AHRR: variants seen among roughly 807,000 people sequenced by gnomAD.
AHRR encodes the protein aryl hydrocarbon receptor repressor, also known as ahR repressor.
AHRR carries 28 observed loss-of-function variants against 44.0 expected under a neutral mutation model. That is an observed-to-expected ratio of 0.64 (90% confidence interval 0.47 to 0.87). AHRR has a LOEUF of 0.87. Among genes scored for constraint, AHRR ranks in the 40% least tolerant of loss-of-function variants. The pLI, the probability that AHRR is intolerant of heterozygous loss-of-function variation, is 0.00. For synonymous variants in AHRR, 434 were observed against 407.0 expected, an observed-to-expected ratio of 1.07 and a Z score of -0.80; for missense variants, 990 against 953.9, an observed-to-expected ratio of 1.04 and a Z score of -0.50.
At chr5:330,895 A>C (rs1741887632) in intron 1 of AHRR, among the ~76,000 whole-genome samples, 1 of 117,220 alleles carries the variant, frequency 8.5e-6, no homozygotes, top group African/African-American at 3.7e-5. Context: ...TTTTTTTGAG[A>C]CAGAGTCTCG....
At chr5:340,691 T>TATTTATTTA (rs1223845461) in intron 1 of AHRR, among the ~76,000 whole-genome samples, 1 of 44,178 alleles carries the variant, frequency 2.3e-5, no homozygotes, top group African/African-American at 7.7e-5. Flanking sequence ...TATATATATT[T>TATTTATTTA]TTTTTTTTTT....
chr5:423,270 T>C (rs2672777), intron 6 of AHRR, among the ~76,000 whole-genome samples: 115,949 of 152,210 alleles, frequency 0.76, 45,051 homozygotes, highest in African/African-American at 0.94. Context: ...CATTCAGAGT[T>C]GGTTGCCCCT....
intron 10 of AHRR, 78 bp downstream of exon 10, chr5:433,025 G>C (rs538567881): frequency 6.9e-7 from 1 of 1,443,430 alleles, no homozygotes; most frequent in Non-Finnish European, 9.2e-7. Flanking sequence ...GGGTGGGGGA[G>C]TGATTAAGAA....
At chr5:397,438 T>C (rs868170524) in intron 4 of AHRR, among the ~76,000 whole-genome samples, 468 of 46,722 alleles carry the variant, frequency 0.01, no homozygotes, top group Middle Eastern at 0.022. Context: ...TCCACGTAGC[T>C]CCTGACCATC....
Position 405,441 on chromosome 5 carries a change from A to G in AHRR, c.352-7903A>G, listed in dbSNP as rs1021536500. Among the ~76,000 whole-genome samples, 3 of 152,116 alleles carry G rather than the reference A, an allele frequency of 2.0e-5. No individual in the cohort carries two copies. The highest frequency in any genetic ancestry group is 7.2e-5 in the African/African-American group (3 of 41,402). The stretch of plus-strand genomic sequence containing the variant: ...CTATTTTGTCACCGTGGAGCAGCCT[A>G]TGGTGTTGCCCGCTGTTTTGTTGTG... On this transcript the variant is annotated intron_variant, in intron 4 of 10. Transcript: ENST00000684583. The surrounding 1 kb of genome is among the most constrained non-coding windows in gnomAD (Gnocchi z 4.5).
chr5:413,481 C>A, intron 5 of AHRR, 48 bp downstream of exon 5: 1 of 1,318,110 alleles, frequency 7.6e-7, no homozygotes, highest in Non-Finnish European at 1.1e-6. Flanking sequence ...GCTATGTTGT[C>A]TTCCCTTTGT....
chr5:376,549 T>A, intron 3 of AHRR, 61 bp from the exon 4 acceptor site: 1 of 1,410,168 alleles, frequency 7.1e-7, no homozygotes, highest in Non-Finnish European at 9.6e-7. Context: ...AAGATGTGAA[T>A]GAAGAAGAGT....
chr5:340,689 T>TATATATATATA (rs1491423678), intron 1 of AHRR, among the ~76,000 whole-genome samples: 8 of 17,410 alleles, frequency 4.6e-4, no homozygotes, highest in South Asian at 2.9e-3. Flanking sequence ...TATATATATA[T>TATATATATATA]TTTTTTTTTT....
At chr5:349,816 G>A (rs1298057748) in intron 2 of AHRR, among the ~76,000 whole-genome samples, 3 of 152,106 alleles carry the variant, frequency 2.0e-5, no homozygotes, top group Non-Finnish European at 2.9e-5. Flanking sequence ...GCTGGTGTCC[G>A]TTTGTTTTCT....
At chr5:429,446 G>A (rs901426835) in intron 8 of AHRR, among the ~76,000 whole-genome samples, 1 of 152,210 alleles carries the variant, frequency 6.6e-6, no homozygotes, top group African/African-American at 2.4e-5. Context: ...TGATGGGGCG[G>A]GGCTGAGCGC....
At chr5:335,110 G>C (rs1742073288) in intron 1 of AHRR, among the ~76,000 whole-genome samples, 1 of 152,084 alleles carries the variant, frequency 6.6e-6, no homozygotes, top group African/African-American at 2.4e-5. Context: ...GTCTATCCTT[G>C]TGCCCCAGGG....
Position 406,727 on chromosome 5 carries a change from AAT to A in AHRR, c.352-6615_352-6614del. ...TGCACAAAACAATTCCAGATAAAATAATAGCAATTAACTTCCATCTGTGTTAT... is the reference window on the plus strand; with the variant it reads ...TGCACAAAACAATTCCAGATAAAATAAGCAATTAACTTCCATCTGTGTTAT... On this transcript the variant is annotated intron_variant, in intron 4 of 10. Coordinates refer to ENST00000684583, the MANE Select transcript of AHRR (RefSeq NM_001377236.1). The surrounding 1 kb of genome is among the most constrained non-coding windows in gnomAD (Gnocchi z 4.7). Among the ~76,000 whole-genome samples the A allele has an allele frequency of 6.6e-6, 1 of 152,322 alleles. No homozygotes were observed. The highest frequency in any genetic ancestry group is 6.5e-5 in the Admixed American group (1 of 15,308).
At chr5:348,011 C>G (rs571056176) in intron 2 of AHRR, among the ~76,000 whole-genome samples, 1 of 152,340 alleles carries the variant, frequency 6.6e-6, no homozygotes, top group East Asian at 1.9e-4. Context: ...GTGGAGCATG[C>G]CATCGGAGGT....
chr5:353,748 A>G lies in AHRR; in HGVS notation c.81A>G (p.Ala27=). ...CCCACAGGAGGCCCGCCGTGGGGGC[A>G]GAGAAGTCCAACCCCTCCAAGCGAC... ...PLQKQRPAVG[A]EKSNPSKRHR... is the part of the protein sequence containing the mutation. The change falls in exon 3 of 11, where the codon GCA becomes GCG. Residue 27 remains alanine (A), a synonymous_variant. Coordinates refer to ENST00000684583, the MANE Select transcript of AHRR (RefSeq NM_001377236.1). The G allele has an allele frequency of 6.2e-7, 1 of 1,611,476 alleles. No homozygotes were observed. Among genetic ancestry groups the G allele is most frequent in the Non-Finnish European group, 8.5e-7 (1 of 1,179,466 alleles).
chr5:393,508 G>T (rs958569751), intron 4 of AHRR, among the ~76,000 whole-genome samples: 8 of 152,258 alleles, frequency 5.3e-5, no homozygotes, highest in African/African-American at 1.9e-4. Context: ...CAGAGCTCCA[G>T]GCTGAAGCCT....
rs193036989 is a variant in AHRR at position 382,844 on chromosome 5, A to T, written c.351+6128A>T. ...TTTTATTTTTCTTTAGATACTTAAG[A>T]TGGAAGTTTAAATCACTGATTTTTT... On this transcript the variant is annotated intron_variant, in intron 4 of 10. Coordinates refer to ENST00000684583, the MANE Select transcript of AHRR (RefSeq NM_001377236.1). 6.6e-3 allele frequency among the ~76,000 whole-genome samples: 992 copies of T among 151,258 alleles called. 6 individuals are homozygous for T. Among genetic ancestry groups the T allele is most frequent in the Non-Finnish European group, 0.01 (704 of 67,802 alleles).
intron 5 of AHRR, among the ~76,000 whole-genome samples, chr5:415,464 T>C (rs1249836917): frequency 1.3e-4 from 14 of 107,162 alleles, no homozygotes; most frequent in Non-Finnish European, 1.6e-4. Flanking sequence ...AGGGGCCGAG[T>C]CTGCCTGGTC....
intron 1 of AHRR, among the ~76,000 whole-genome samples, chr5:327,427 C>T (rs1741750998): frequency 6.6e-6 from 1 of 152,220 alleles, no homozygotes; most frequent in Admixed American, 6.5e-5. Flanking sequence ...CCACTCACTA[C>T]GTCCGTGTGT....
Position 435,063 on chromosome 5 carries a change from A to G in AHRR, c.*229A>G, listed in dbSNP as rs753580249. 53 of 568,560 alleles carry G rather than the reference A, an allele frequency of 9.3e-5. No individual in the cohort carries two copies. The Middle Eastern group carries it at 1.9e-3, about 20-fold the overall frequency. 35.2% of individuals were successfully genotyped at this position (568,560 alleles called of 1,614,324 possible). A position where few individuals can be genotyped will look rare whatever the true frequency, so the allele number is the denominator to read the frequency against. Reference sequence around the variant, plus strand: ...TGAAAACTGGCCTTAAGTCTATTCAAGCATGACAGCATTTCTCTTTGAGGA... The same window carrying G: ...TGAAAACTGGCCTTAAGTCTATTCAGGCATGACAGCATTTCTCTTTGAGGA... On this transcript the variant is annotated 3_prime_UTR_variant, in exon 11 of 11. Coordinates refer to ENST00000684583, the MANE Select transcript of AHRR (RefSeq NM_001377236.1).
Sources: gnomAD v4.1 joint callset for allele counts (sites outside exome capture counted in the v4.1 genomes callset) on GRCh38, gnomAD v4.1.1 for gene constraint, Gnocchi (gnomAD v3.1) non-coding constraint, MANE v1.5 for transcripts, NCBI Gene and HGNC (gene_info 2026-07-23, HGNC 2026-07-21) for gene names.